Variants in NARF observed in about 807,000 individuals in gnomAD.
NARF encodes iron-only hydrogenase-like protein 2.
Under a neutral mutation model 48.0 loss-of-function variants are expected in NARF, and 41 were observed. The ratio of observed to expected loss-of-function variants is 0.85; its 90% CI spans 0.66 to 1.11. NARF has a LOEUF of 1.11. Ranked by LOEUF, NARF falls within the 50% of genes least tolerant of loss-of-function variation. NARF has a pLI of 0.00. For missense variants in NARF, 613 were observed against 590.2 expected (o/e 1.04, Z -0.40); for synonymous variants, 215 against 225.5 (o/e 0.95, Z 0.42).
intron 7 of NARF, among the ~76,000 whole-genome samples, chr17:82,481,544 C>CA (rs2043965035): frequency 6.6e-6 from 1 of 152,098 alleles, no homozygotes; most frequent in Non-Finnish European, 1.5e-5. Flanking sequence ...GCCTGACCAA[C>CA]ATGGAGAAAC....
chr17:82,481,719 A>G (rs1201045321), intron 7 of NARF: 2 of 422,192 alleles, frequency 4.7e-6, no homozygotes, highest in African/African-American at 4.4e-5. Flanking sequence ...AACAAGAGTA[A>G]AACTTTGTCT....
intron 3 of NARF, among the ~76,000 whole-genome samples, chr17:82,466,273 A>T (rs142733342): frequency 6.6e-6 from 1 of 152,178 alleles, no homozygotes; most frequent in East Asian, 1.9e-4. Context: ...ATTCAATATC[A>T]AATTCAGTTT....
chr17:82,476,193 A>G (rs539903013), intron 5 of NARF, among the ~76,000 whole-genome samples: 2 of 152,270 alleles, frequency 1.3e-5, no homozygotes, highest in South Asian at 4.1e-4. Context: ...TCTGTAGTAG[A>G]GACAGGGTTT....
intron 7 of NARF, chr17:82,483,489 C>A: frequency 1.9e-6 from 1 of 514,746 alleles, no homozygotes; most frequent in Non-Finnish European, 3.5e-6. Flanking sequence ...AGTTCAAGGG[C>A]AGAAAGAGGA....
chr17:82,470,379 A>G (rs1326841460), intron 4 of NARF, among the ~76,000 whole-genome samples: 1 of 152,238 alleles, frequency 6.6e-6, no homozygotes, highest in African/African-American at 2.4e-5. Context: ...TCTCACGATG[A>G]AAGCCCTTAT....
At chr17:82,485,422 A>G in intron 9 of NARF, 75 bp from the exon 10 acceptor site, 3 of 1,474,928 alleles carry the variant, frequency 2.0e-6, no homozygotes, top group Non-Finnish European at 2.8e-6. Flanking sequence ...CTCCGTCTCA[A>G]AAAAAAAAAG....
At chr17:82,482,166 A>G in intron 7 of NARF, 1 of 337,604 alleles carries the variant, frequency 3.0e-6, no homozygotes, top group African/African-American at 2.3e-5. Flanking sequence ...GCAGGTATTT[A>G]GATCAGTGGT....
chr17:82,458,653 C>T, upstream of NARF: 1 of 1,016,766 alleles, frequency 9.8e-7, no homozygotes, highest in Non-Finnish European at 1.3e-6. Flanking sequence ...TTGTCCTCTC[C>T]CGGTGCTCTC....
At chr17:82,482,544 A>ATGC in intron 7 of NARF, 2 of 136,524 alleles carry the variant, frequency 1.5e-5, no homozygotes, top group South Asian at 4.1e-4. Context: ...ATCTAATGTG[A>ATGC]TGCCACAGCC....
chr17:82,483,771 C>A lies in NARF; in HGVS notation c.825C>A (p.Val275=), dbSNP rs140893814. The change falls in exon 8 of 11, where the codon GTC becomes GTA. Residue 275 remains valine (V), a synonymous_variant. Coordinates refer to ENST00000309794, the MANE Select transcript of NARF (RefSeq NM_012336.4). ...ACCTCTCAGTGAGAGATGCTGCCGT[C>A]GACACTCTGTAAGTGGCTTCTCTGG... The part of the protein sequence containing the change: ...QGDLSVRDAA[V]DTLFGDLKED... 4 of 1,613,456 alleles carry A rather than the reference C, an allele frequency of 2.5e-6. No individual in the cohort carries two copies. Among genetic ancestry groups the A allele is most frequent in the Admixed American group, 1.7e-5 (1 of 59,998 alleles).
At chr17:82,468,088 G>C (rs1385508681) in intron 3 of NARF, among the ~76,000 whole-genome samples, 1 of 151,996 alleles carries the variant, frequency 6.6e-6, no homozygotes, top group Non-Finnish European at 1.5e-5. Context: ...GAGGCAGGTG[G>C]ATCACAAGGT....
At chr17:82,458,921 C>G (rs1038973232) in intron 1 of NARF, 91 bp downstream of exon 1, 10 of 1,280,264 alleles carry the variant, frequency 7.8e-6, no homozygotes, top group Non-Finnish European at 9.9e-6. Flanking sequence ...CCGCCGCTCG[C>G]TCGCTTCAGG....
intron 7 of NARF, 137 bp from the exon 8 acceptor site, chr17:82,483,579 T>A: frequency 1.4e-6 from 1 of 716,540 alleles, no homozygotes; most frequent in Non-Finnish European, 2.4e-6. Flanking sequence ...GCCCTTTAGA[T>A]GGACTCCTGC....
chr17:82,469,767 G>A (rs1392387091), intron 4 of NARF, among the ~76,000 whole-genome samples: 1 of 151,912 alleles, frequency 6.6e-6, no homozygotes, highest in Non-Finnish European at 1.5e-5. Context: ...CACCACTCCC[G>A]GCTAATTTTT....
Position 82,478,812 on chromosome 17 carries a change from A to T in NARF, c.533A>T (p.Tyr178Phe), listed in dbSNP as rs746107524. The change falls in exon 6 of 11, where the codon TAC (tyrosine) becomes TTC (phenylalanine). Residue 178 changes from tyrosine to phenylalanine, a missense_variant. Coordinates refer to ENST00000309794, the MANE Select transcript of NARF (RefSeq NM_012336.4). ...LTSACPGWVR[Y>F]AERVLGRPIT... is the part of the protein sequence containing the mutation. ...CTTCTCTCCCCAGGCTGGGTCCGAT[A>T]CGCCGAGCGGGTGCTGGGTCGCCCC... The T allele has an allele frequency of 1.2e-6, 2 of 1,613,562 alleles. No homozygotes were observed. The highest frequency in any genetic ancestry group is 2.7e-5 in the African/African-American group (2 of 74,936).
chr17:82,472,451 T>C (rs1268615746), intron 4 of NARF, 113 bp from the exon 5 acceptor site: 16 of 1,274,562 alleles, frequency 1.3e-5, no homozygotes, highest in Non-Finnish European at 1.7e-5. Flanking sequence ...GCCACTGCAC[T>C]CTAGCCTGGG....
intron 10 of NARF, among the ~76,000 whole-genome samples, chr17:82,487,020 G>T (rs2044110238): frequency 6.6e-6 from 1 of 152,218 alleles, no homozygotes; most frequent in Non-Finnish European, 1.5e-5. Flanking sequence ...TGTGGTGCAG[G>T]CAGGAGTGGT....
intron 3 of NARF, among the ~76,000 whole-genome samples, chr17:82,466,479 G>C (rs1212000343): frequency 6.6e-6 from 1 of 152,018 alleles, no homozygotes; most frequent in Non-Finnish European, 1.5e-5. Context: ...CTGAGATGGA[G>C]TCTCTCACTG....
chr17:82,472,716 C>CG lies in NARF; in HGVS notation c.520+19dup. Reference sequence around the variant, plus strand: ...CTGTCCTGGTGAGCCCCTGGACCCCCGCTCTGTTGGCCTGAGGTGCCAAAA... The same window carrying CG: ...CTGTCCTGGTGAGCCCCTGGACCCCCGGCTCTGTTGGCCTGAGGTGCCAAAA... On this transcript the variant is annotated intron_variant, in intron 5 of 10. Transcript: ENST00000309794. 1 of 1,604,636 alleles carries CG rather than the reference C, an allele frequency of 6.2e-7. No homozygotes were observed. The highest frequency in any genetic ancestry group is 8.5e-7 in the Non-Finnish European group (1 of 1,176,772).
Sources: allele counts gnomAD v4.1 joint callset (sites outside exome capture counted in the v4.1 genomes callset), GRCh38; gene constraint gnomAD v4.1.1; transcripts MANE v1.5; gene names NCBI Gene and HGNC (gene_info 2026-07-23, HGNC 2026-07-21).